The following ZCWPW2 variants were observed in gnomAD, a reference collection of about 807,000 sequenced individuals.
ZCWPW2 encodes zinc finger CW-type and PWWP domain containing 2.
ZCWPW2 carries 45 observed loss-of-function variants against 46.6 expected under a neutral mutation model. The observed-to-expected ratio is 0.96, with a 90% CI of 0.76 to 1.24. ZCWPW2 has a LOEUF of 1.24. Among genes scored for constraint, ZCWPW2 ranks in the 50% most tolerant of loss-of-function variants. The pLI is 0.00. For missense variants in ZCWPW2, 429 were observed against 403.9 expected (o/e 1.06, Z -0.53); for synonymous variants, 152 against 137.1 (o/e 1.11, Z -0.76).
chr3:28,443,803 C>A (rs906925558), intron 4 of ZCWPW2, among the ~76,000 whole-genome samples: 11 of 152,144 alleles, frequency 7.2e-5, no homozygotes, highest in Non-Finnish European at 1.2e-4. Context: ...ATTGCAGATG[C>A]TGCCCTCACA....
chr3:28,447,675 A>G (rs60355399), intron 4 of ZCWPW2: 5,080 of 403,744 alleles, frequency 0.013, 180 homozygotes, highest in African/African-American at 0.082. Flanking sequence ...GCAAGAAAAA[A>G]GAAATAAAAG....
intron 6 of ZCWPW2, among the ~76,000 whole-genome samples, chr3:28,503,423 C>A (rs1404979823): frequency 6.6e-6 from 1 of 152,126 alleles, no homozygotes; most frequent in East Asian, 1.9e-4. Context: ...TCAGACTCCA[C>A]ACAAAATGAA....
At chr3:28,420,214 C>A (rs1233129884) in intron 3 of ZCWPW2, among the ~76,000 whole-genome samples, 4 of 152,118 alleles carry the variant, frequency 2.6e-5, no homozygotes, top group African/African-American at 9.6e-5. Context: ...TTCTCTAGTT[C>A]TTTTAATTGT....
intron 1 of ZCWPW2, among the ~76,000 whole-genome samples, chr3:28,367,059 C>A (rs1048082763): frequency 6.6e-6 from 1 of 152,036 alleles, no homozygotes; most frequent in Non-Finnish European, 1.5e-5. Context: ...GTCTCGCTAG[C>A]AGTCTATCAA....
In ZCWPW2 at chr3:28,525,340, T is replaced by C. The variant is rs1700821210; in HGVS notation, c.*652T>C. On this transcript the variant is annotated 3_prime_UTR_variant, in exon 10 of 10. Coordinates refer to ENST00000383768, the MANE Select transcript of ZCWPW2 (RefSeq NM_001040432.4). ...AGGTATCATCAGGAAGATGGAAAAA[T>C]GTAATTTAAAGTGTATAGAGAGAAG... Among the ~76,000 whole-genome samples, 2 of 152,006 alleles carry C rather than the reference T, an allele frequency of 1.3e-5. No individual in the cohort carries two copies. Among genetic ancestry groups the C allele is most frequent in the Admixed American group, 6.6e-5 (1 of 15,228 alleles).
intron 4 of ZCWPW2, among the ~76,000 whole-genome samples, chr3:28,448,677 C>T (rs1033242792): frequency 4.6e-5 from 7 of 150,944 alleles, no homozygotes; most frequent in South Asian, 2.1e-4. Context: ...ACGAGCTACC[C>T]GAGTGGCTGA....
chr3:28,444,418 C>T (rs1383695102), intron 4 of ZCWPW2, among the ~76,000 whole-genome samples: 1 of 152,124 alleles, frequency 6.6e-6, no homozygotes, highest in Non-Finnish European at 1.5e-5. Context: ...GGTTTATCTC[C>T]TCAGACAAAG....
intron 1 of ZCWPW2, among the ~76,000 whole-genome samples, chr3:28,366,254 C>T (rs13083931): frequency 7.8e-6 from 1 of 128,772 alleles, no homozygotes; most frequent in Admixed American, 8.4e-5. Flanking sequence ...AGTTTTTGTC[C>T]ATTCAGTATA....
chr3:28,436,627 T>C (rs904836134), intron 4 of ZCWPW2, among the ~76,000 whole-genome samples: 2 of 152,194 alleles, frequency 1.3e-5, no homozygotes, highest in Non-Finnish European at 2.9e-5. Context: ...TTATACTATT[T>C]TGTTTGGTGT....
chr3:28,449,978 CA>C (rs1483290515), intron 4 of ZCWPW2, among the ~76,000 whole-genome samples: 2 of 152,124 alleles, frequency 1.3e-5, no homozygotes, highest in African/African-American at 4.8e-5. Flanking sequence ...TCTTGCTGTG[CA>C]TTAGGAAGCT....
intron 4 of ZCWPW2, among the ~76,000 whole-genome samples, chr3:28,463,079 T>C (rs995165983): frequency 6.6e-6 from 1 of 152,222 alleles, no homozygotes; most frequent in African/African-American, 2.4e-5. Context: ...CAAACCTCAC[T>C]CTTGCTCCAA....
At chr3:28,410,326 C>A (rs1696351895) in intron 2 of ZCWPW2, among the ~76,000 whole-genome samples, 1 of 151,878 alleles carries the variant, frequency 6.6e-6, no homozygotes, top group South Asian at 2.1e-4. Flanking sequence ...AGAAAATTAA[C>A]CCCACAATCA....
chr3:28,409,604 A>C (rs1696315218), intron 2 of ZCWPW2, among the ~76,000 whole-genome samples: 1 of 152,210 alleles, frequency 6.6e-6, no homozygotes, highest in Non-Finnish European at 1.5e-5. Flanking sequence ...AGATAAAGGC[A>C]CAAAGGTCAT....
intron 2 of ZCWPW2, among the ~76,000 whole-genome samples, chr3:28,400,022 T>TA (rs1337769101): frequency 4.0e-4 from 59 of 149,364 alleles, no homozygotes; most frequent in African/African-American, 8.6e-4. Flanking sequence ...TGTAAGGAAA[T>TA]AAAAAAAAAT....
chr3:28,382,811 G>A (rs902586603), intron 1 of ZCWPW2, among the ~76,000 whole-genome samples: 1 of 152,068 alleles, frequency 6.6e-6, no homozygotes, highest in African/African-American at 2.4e-5. Flanking sequence ...AGGGTACATA[G>A]ATATTATATT....
chr3:28,363,790 C>T (rs1377886821), intron 1 of ZCWPW2, among the ~76,000 whole-genome samples: 1 of 152,146 alleles, frequency 6.6e-6, no homozygotes, highest in Admixed American at 6.6e-5. Flanking sequence ...TTTCCAACTC[C>T]TTCTCATAGA....
At chr3:28,438,901 A>C (rs1004513300) in intron 4 of ZCWPW2, among the ~76,000 whole-genome samples, 39 of 152,000 alleles carry the variant, frequency 2.6e-4, no homozygotes, top group Admixed American at 2.0e-4. Flanking sequence ...AAAGTTCACT[A>C]TAGGGATTCA....
intron 3 of ZCWPW2, among the ~76,000 whole-genome samples, chr3:28,424,228 A>AACACACACACACACACACACAC (rs55725925): frequency 3.6e-5 from 5 of 138,868 alleles, no homozygotes; most frequent in African/African-American, 8.1e-5. Context: ...GTCTTATTCC[A>AACACACACACACACACACACAC]ACACACACAC....
chr3:28,496,003 A>T (rs1027236840), intron 6 of ZCWPW2, among the ~76,000 whole-genome samples: 1 of 152,100 alleles, frequency 6.6e-6, no homozygotes, highest in African/African-American at 2.4e-5. Context: ...ATATTGAGTT[A>T]ATACAAAATA....
Sources: allele counts gnomAD v4.1 joint callset (sites outside exome capture counted in the v4.1 genomes callset), GRCh38; gene constraint gnomAD v4.1.1; transcripts MANE v1.5; gene names NCBI Gene and HGNC (gene_info 2026-07-23, HGNC 2026-07-21).